CAST: variants seen among roughly 807,000 people sequenced by gnomAD.
CAST encodes calpastatin.
CAST carries 76 observed loss-of-function variants against 119.6 expected under a neutral mutation model. That is an observed-to-expected ratio of 0.64 (90% confidence interval 0.53 to 0.77). CAST has a LOEUF of 0.77. CAST is among the 30% of genes least tolerant of loss of function. CAST has a pLI of 0.00. For synonymous variants in CAST, 319 were observed against 331.6 expected (o/e 0.96, Z 0.41); for missense variants, 953 against 946.5 (o/e 1.01, Z -0.09).
intron 11 of CAST, among the ~76,000 whole-genome samples, chr5:96,738,379 C>G (rs771574398): frequency 4.6e-5 from 7 of 152,056 alleles, no homozygotes; most frequent in Non-Finnish European, 7.4e-5. Context: ...ATGTCAGTAT[C>G]AACATCAACA....
chr5:96,288,395 C>T, the CAST span, among the ~76,000 whole-genome samples: 1 of 152,206 alleles, frequency 6.6e-6, no homozygotes, highest in South Asian at 2.1e-4. Context: ...ATCTGAGAAC[C>T]AAATTATGAC....
the CAST span, among the ~76,000 whole-genome samples, chr5:96,081,587 A>C: frequency 6.6e-6 from 1 of 152,222 alleles, no homozygotes; most frequent in Non-Finnish European, 1.5e-5. Context: ...GAACATGAAC[A>C]GAATCAGCAG....
intron 1 of CAST, among the ~76,000 whole-genome samples, chr5:96,537,437 A>C (rs887578086): frequency 3.9e-5 from 6 of 152,170 alleles, no homozygotes; most frequent in African/African-American, 1.4e-4. Context: ...TGATTTGAAA[A>C]ACCATCTAAT....
the CAST span, among the ~76,000 whole-genome samples, chr5:95,994,813 C>CTA: frequency 6.6e-6 from 1 of 152,052 alleles, no homozygotes; most frequent in African/African-American, 2.4e-5. Flanking sequence ...ACTGCATGTG[C>CTA]TATATACTTT....
At chr5:96,425,008 AAAAGAAAGAAAGAAAGAAAGAAAG>A in the CAST span, among the ~76,000 whole-genome samples, 19,172 of 117,356 alleles carry the variant, frequency 0.16, 1,621 homozygotes, top group Non-Finnish European at 0.19. Flanking sequence ...AGAAAGAAAG[AAAAGAAAGAAAGAAAGAAAGAAAG>A]AAAGAAAGAA....
intron 3 of CAST, among the ~76,000 whole-genome samples, chr5:96,713,321 C>T (rs574369298): frequency 3.9e-5 from 6 of 151,978 alleles, no homozygotes; most frequent in South Asian, 2.1e-4. Flanking sequence ...TTAGTAGAGA[C>T]GGAGTTTCAC....
chr5:96,224,330 G>T, the CAST span, among the ~76,000 whole-genome samples: 3 of 152,160 alleles, frequency 2.0e-5, no homozygotes, highest in African/African-American at 7.2e-5. Flanking sequence ...GCCACCCAAA[G>T]ATATTAGGCC....
chr5:96,113,371 A>G, the CAST span, among the ~76,000 whole-genome samples: 2 of 152,246 alleles, frequency 1.3e-5, no homozygotes, highest in Admixed American at 6.5e-5. Context: ...AGTGGGAACA[A>G]CAAACAGAAG....
chr5:96,225,151 C>T, the CAST span, among the ~76,000 whole-genome samples: 1 of 152,208 alleles, frequency 6.6e-6, no homozygotes, highest in Admixed American at 6.5e-5. Context: ...AATGTAGAGG[C>T]AATTGTACCA....
the CAST span, among the ~76,000 whole-genome samples, chr5:96,235,801 G>C: frequency 6.6e-6 from 1 of 152,070 alleles, no homozygotes; most frequent in African/African-American, 2.4e-5. Context: ...AAATCCTTCT[G>C]TTTTGAAGTC....
the CAST span, among the ~76,000 whole-genome samples, chr5:96,135,863 C>A: frequency 6.6e-6 from 1 of 152,124 alleles, no homozygotes; most frequent in Non-Finnish European, 1.5e-5. Context: ...TAGAGACCAT[C>A]CTGGCCAACC....
chr5:96,157,787 C>G, the CAST span, among the ~76,000 whole-genome samples: 2 of 152,156 alleles, frequency 1.3e-5, no homozygotes, highest in Non-Finnish European at 2.9e-5. Context: ...GTTTAAAGAA[C>G]TAGATGTACA....
At chr5:96,612,200 C>T (rs551927883) in intron 1 of CAST, among the ~76,000 whole-genome samples, 96 of 152,188 alleles carry the variant, frequency 6.3e-4, no homozygotes, top group Admixed American at 1.4e-3. Context: ...CTAATGGTGG[C>T]TTAGATGAAG....
the CAST span, among the ~76,000 whole-genome samples, chr5:96,310,969 A>T: frequency 2.0e-5 from 3 of 151,728 alleles, no homozygotes; most frequent in Non-Finnish European, 2.9e-5. Flanking sequence ...CCTTTACATA[A>T]CATTGAGATT....
At chr5:96,129,737 T>A in the CAST span, among the ~76,000 whole-genome samples, 10 of 152,222 alleles carry the variant, frequency 6.6e-5, no homozygotes, top group Admixed American at 2.0e-4. Context: ...AAGAACAATA[T>A]GACTTTGGTG....
the CAST span, among the ~76,000 whole-genome samples, chr5:96,066,841 T>G: frequency 2.0e-5 from 3 of 151,952 alleles, no homozygotes; most frequent in Admixed American, 2.0e-4. Flanking sequence ...CAAAATTTTT[T>G]TTTTTGTAGA....
chr5:96,142,101 C>G, the CAST span, among the ~76,000 whole-genome samples: 10 of 152,100 alleles, frequency 6.6e-5, no homozygotes, highest in African/African-American at 1.9e-4. Flanking sequence ...TTCCAATTGG[C>G]TATATCATAT....
At chr5:96,078,093 C>CA in the CAST span, among the ~76,000 whole-genome samples, 3 of 152,170 alleles carry the variant, frequency 2.0e-5, no homozygotes, top group African/African-American at 7.2e-5. Context: ...GCTGTGCCCT[C>CA]ACATGGCAGA....
At chr5:96,150,938 T>C in the CAST span, among the ~76,000 whole-genome samples, 1 of 152,162 alleles carries the variant, frequency 6.6e-6, no homozygotes, top group South Asian at 2.1e-4. Context: ...CTTCTCCATC[T>C]GCTGCCCCAA....
Sources: gnomAD v4.1 joint callset for allele counts (sites outside exome capture counted in the v4.1 genomes callset) on GRCh38, gnomAD v4.1.1 for gene constraint, MANE v1.5 for transcripts, NCBI Gene and HGNC (gene_info 2026-07-23, HGNC 2026-07-21) for gene names.